The following GFAP variants were observed in gnomAD, a reference collection of about 807,000 sequenced individuals.
GFAP encodes the protein glial fibrillary acidic protein.
In GFAP, 38 loss-of-function variants were observed where a neutral mutation model predicts 49.3. The ratio of observed to expected loss-of-function variants is 0.77; its 90% CI spans 0.60 to 1.01. GFAP has a LOEUF of 1.01. Among genes scored for constraint, GFAP ranks in the 50% least tolerant of loss-of-function variants. The pLI, the probability that GFAP is intolerant of heterozygous loss-of-function variation, is 0.00. For missense variants in GFAP, 463 were observed against 579.1 expected (o/e 0.80, Z 2.06); for synonymous variants, 222 against 236.4 (o/e 0.94, Z 0.56).
chr17:44,914,681 T>C (rs17629022), intron 1 of GFAP: 68,596 of 330,546 alleles, frequency 0.21, 7,648 homozygotes, highest in Middle Eastern at 0.33. Flanking sequence ...CTCCTTTATA[T>C]GGACACAGGC....
chr17:44,905,212 A>C lies in GFAP; in HGVS notation c.*2135T>G, dbSNP rs1567768525. The C allele has an allele frequency of 7.3e-6, 5 of 687,772 alleles. No individual in the cohort carries two copies. The East Asian group carries it at 1.4e-4, about 19-fold the overall frequency. The allele number at this position is 687,772 out of a possible 1,614,324, so 42.6% of individuals were successfully genotyped here. Reference sequence around the variant, plus strand: ...CTGTTACAGCCTGCTCCCCATTTTCATGGGCAGGTCTGGGACCTGATCTGA... The same window carrying C: ...CTGTTACAGCCTGCTCCCCATTTTCCTGGGCAGGTCTGGGACCTGATCTGA... On this transcript the variant is annotated 3_prime_UTR_variant, in exon 9 of 9. Transcript: ENST00000588735.
intron 7 of GFAP, chr17:44,910,387 G>A (rs1218788466): frequency 6.2e-7 from 1 of 1,606,398 alleles, no homozygotes; most frequent in South Asian, 1.1e-5. Flanking sequence ...GGGGTGCAGG[G>A]AGGGGAAGAG....
intron 8 of GFAP, chr17:44,907,594 T>C: frequency 1.6e-6 from 1 of 638,334 alleles, no homozygotes; most frequent in Non-Finnish European, 2.9e-6. Flanking sequence ...GCCTGGCGAG[T>C]GGTAAGCTGC....
In GFAP at chr17:44,907,180, C is replaced by G. The variant is rs932960024; in HGVS notation, c.*167G>C. The G allele has an allele frequency of 5.8e-6, 4 of 683,916 alleles. 1 individual carries two copies. The South Asian group carries it at 6.6e-5, about 11-fold the overall frequency. The allele number at this position is 683,916 out of a possible 1,614,324, so 42.4% of individuals were successfully genotyped here. The stretch of plus-strand genomic sequence containing the variant: ...TGCCGTCTGGCAGGCCTGATACTGA[C>G]GGAGCCTAGGGCAGCAAGCTGACCT... On this transcript the variant is annotated 3_prime_UTR_variant, in exon 9 of 9. Transcript: ENST00000588735.
chr17:44,913,115 TG>T (rs1484981795), intron 4 of GFAP, among the ~76,000 whole-genome samples, 153 bp downstream of exon 4: 1 of 152,232 alleles, frequency 6.6e-6, no homozygotes. Context: ...ATAGTGCCTG[TG>T]TGACCCTGGG....
chr17:44,910,479 T>G, intron 7 of GFAP, 136 bp downstream of exon 7: 1 of 1,555,280 alleles, frequency 6.4e-7, no homozygotes, highest in Non-Finnish European at 8.7e-7. Flanking sequence ...CTAGGAGCGC[T>G]GCAGTGTCAC....
rs2051638602 is a variant in GFAP at position 44,905,311 on chromosome 17, T to C, written c.*2036A>G. ...ATGGAAGTAGGGCACATGTGTTTCC[T>C]GACTTCACATTTAGGTCAGAGAAGG... On this transcript the variant is annotated 3_prime_UTR_variant, in exon 9 of 9. Coordinates refer to ENST00000588735, the MANE Select transcript of GFAP (RefSeq NM_002055.5). 4 of 532,084 alleles carry C rather than the reference T, an allele frequency of 7.5e-6. No individual in the cohort carries two copies. 33.0% of individuals were successfully genotyped at this position (532,084 alleles called of 1,614,324 possible).
chr17:44,914,928 A>G (rs545790388), intron 1 of GFAP, 98 bp downstream of exon 1: 24 of 1,029,814 alleles, frequency 2.3e-5, no homozygotes, highest in South Asian at 2.3e-4. Context: ...CCCAGGGAGC[A>G]GGGAGGTTCG....
rs752942818 is a variant in GFAP, at chr17:44,907,433, A to G, written c.1258-45T>C. The stretch of plus-strand genomic sequence containing the variant: ...TGCACAGTGCAACAGTTAGGAGTTC[A>G]CACAGACCCCAGGTCCACCACCACG... On this transcript the variant is annotated intron_variant, in intron 8 of 8. Coordinates refer to ENST00000588735, the MANE Select transcript of GFAP (RefSeq NM_002055.5). 9.4e-6 allele frequency: 13 copies of G among 1,382,440 alleles called. No individual in the cohort carries two copies. In the East Asian group the frequency reaches 2.3e-4, roughly 24 times the overall value. The allele number at this position is 1,382,440 out of a possible 1,614,324, so 85.6% of individuals were successfully genotyped here.
At chr17:44,913,205 A>T in intron 4 of GFAP, 64 bp downstream of exon 4, 1 of 1,494,400 alleles carries the variant, frequency 6.7e-7, no homozygotes, top group South Asian at 1.1e-5. Flanking sequence ...TCCTTCCCCC[A>T]TTCTCTTGTA....
Position 44,915,049 on chromosome 17 carries a change from C to CT in GFAP, c.437dup (p.Asp147GlyfsTer12), listed in dbSNP as rs763519214. ...ACTTCTGCCTCACAGTGGCCAGGTCCTGTGCCAGATTGTCCCTCTCAACCT... is the reference window on the plus strand; with the variant it reads ...ACTTCTGCCTCACAGTGGCCAGGTCCTTGTGCCAGATTGTCCCTCTCAACCT... On this transcript the variant is annotated frameshift_variant, in exon 1 of 9. Coordinates refer to ENST00000588735, the MANE Select transcript of GFAP (RefSeq NM_002055.5). LOFTEE classifies it high-confidence loss of function. This position sits in a 1 kb window ranked among gnomAD's most constrained non-coding sequence, Gnocchi z 4.1. The CT allele has an allele frequency of 6.2e-7, 1 of 1,612,440 alleles. No homozygotes were observed. Among genetic ancestry groups the CT allele is most frequent in the African/African-American group, 1.3e-5 (1 of 75,056 alleles).
chr17:44,913,884 A>T (rs2051839535), intron 2 of GFAP, 61 bp from the exon 3 acceptor site: 1 of 1,441,330 alleles, frequency 6.9e-7, no homozygotes, highest in Admixed American at 1.7e-5. Context: ...CCTTCTCCCC[A>T]TTCCTCAGCC....
chr17:44,911,678 G>C lies in GFAP; in HGVS notation c.900C>G (p.Arg300=). 6.2e-7 allele frequency: 1 copy of C among 1,612,902 alleles called. No homozygotes were observed. Among genetic ancestry groups the C allele is most frequent in the Non-Finnish European group, 8.5e-7 (1 of 1,179,914 alleles). Residue 300 remains arginine, a synonymous_variant, in exon 5 of 9, where the codon CGC becomes CGG. Transcript: ENST00000588735. The part of the protein sequence containing the change: ...QSLTCDLESL[R]GTNESLERQM... ...CTGCCCTGGCCGCGCTCACCGTGCCGCGCAGAGACTCCAGGTCGCAGGTCA... is the reference window on the plus strand; with the variant it reads ...CTGCCCTGGCCGCGCTCACCGTGCCCCGCAGAGACTCCAGGTCGCAGGTCA...
chr17:44,903,818 C>A lies in GFAP; in HGVS notation c.*3529G>T. The A allele has an allele frequency of 6.5e-7, 1 of 1,545,732 alleles. No individual in the cohort carries two copies. Among genetic ancestry groups the A allele is most frequent in the South Asian group, 1.2e-5 (1 of 83,670 alleles). On this transcript the variant is annotated 3_prime_UTR_variant, in exon 9 of 9. Transcript: ENST00000588735. The stretch of plus-strand genomic sequence containing the variant: ...TTTTGCCCTGCCCCTCTGACCCCTG[C>A]CTCCTTCAGGTATGCACCTGGCCCT...
intron 8 of GFAP, chr17:44,907,854 T>G: frequency 1.5e-6 from 1 of 663,974 alleles, no homozygotes; most frequent in Non-Finnish European, 2.8e-6. Context: ...CTAGTGGCTT[T>G]GGTACCAAGG....
At chr17:44,907,499 T>C (rs977548169) in intron 8 of GFAP, 111 bp from the exon 9 acceptor site, 7 of 777,922 alleles carry the variant, frequency 9.0e-6, no homozygotes, top group African/African-American at 8.5e-5. Flanking sequence ...TCCCAGGTCT[T>C]ACTTTTCTTG....
chr17:44,912,757 T>C (rs2051804464), intron 4 of GFAP: 1 of 213,006 alleles, frequency 4.7e-6, no homozygotes, highest in Admixed American at 5.2e-5. Context: ...TATGTTTGGG[T>C]GCACGTCAAT....
chr17:44,904,659 A>C lies in GFAP; in HGVS notation c.*2688T>G, dbSNP rs769540429. 1.7e-5 allele frequency: 26 copies of C among 1,550,488 alleles called. No homozygotes were observed. In the South Asian group the frequency reaches 3.0e-4, roughly 18 times the overall value. Reference sequence around the variant, plus strand: ...GTGCCCCAGGTGCCCATTCAGTTCCACCAGCAGAGACTGGGCCATGGACTC... The same window carrying C: ...GTGCCCCAGGTGCCCATTCAGTTCCCCCAGCAGAGACTGGGCCATGGACTC... On this transcript the variant is annotated 3_prime_UTR_variant, in exon 9 of 9. Transcript: ENST00000588735.
chr17:44,913,353 G>A lies in GFAP; in HGVS notation c.696C>T (p.Thr232=), dbSNP rs752795119. ...VELDVAKPDL[T]AALKEIRTQY... The stretch of plus-strand genomic sequence containing the variant: ...GCGTGCGGATCTCTTTCAGGGCTGC[G>A]GTGAGGTCTGGCTTGGCCACGTCAA... Residue 232 remains threonine, a synonymous_variant, in exon 4 of 9, where the codon ACC becomes ACT. Coordinates refer to ENST00000588735, the MANE Select transcript of GFAP (RefSeq NM_002055.5). 18 of 1,614,022 alleles carry A rather than the reference G, an allele frequency of 1.1e-5. No homozygotes were observed. In the South Asian group the frequency reaches 1.8e-4, roughly 16 times the overall value.
Sources: allele counts gnomAD v4.1 joint callset (sites outside exome capture counted in the v4.1 genomes callset), GRCh38; gene constraint gnomAD v4.1.1; non-coding constraint Gnocchi (gnomAD v3.1); transcripts MANE v1.5; gene names NCBI Gene and HGNC (gene_info 2026-07-23, HGNC 2026-07-21).